The following TMEM167A variants were observed in gnomAD, a reference collection of about 807,000 sequenced individuals.
TMEM167A encodes the protein protein kish-A.
In TMEM167A, 8 loss-of-function variants were observed where a neutral mutation model predicts 11.6. The ratio of observed to expected loss-of-function variants is 0.69; its 90% CI spans 0.40 to 1.24. The LOEUF (loss-of-function observed/expected upper bound fraction) is 1.24. Among genes scored for constraint, TMEM167A ranks in the 50% most tolerant of loss-of-function variants. The pLI is 0.01. For missense variants in TMEM167A, 62 were observed against 87.0 expected (o/e 0.71, Z 1.14); for synonymous variants, 22 against 28.0 (o/e 0.79, Z 0.67).
chr5:83,072,637 T>A (rs1426783923), intron 1 of TMEM167A, among the ~76,000 whole-genome samples: 2 of 152,166 alleles, frequency 1.3e-5, no homozygotes, highest in Non-Finnish European at 2.9e-5. Flanking sequence ...CAAGCAATTA[T>A]CCTGCCTCAG....
chr5:83,059,549 C>T (rs921873771), intron 3 of TMEM167A, among the ~76,000 whole-genome samples: 5 of 151,594 alleles, frequency 3.3e-5, no homozygotes, highest in Admixed American at 6.6e-5. Context: ...CTGAAGCATG[C>T]GGTTTGGTGT....
At chr5:83,076,214 A>T (rs2112253947) in intron 1 of TMEM167A, among the ~76,000 whole-genome samples, 1 of 152,298 alleles carries the variant, frequency 6.6e-6, no homozygotes. Context: ...AGTTGCTGTG[A>T]ACTTGATATT....
At chr5:83,073,120 G>A (rs114850811) in intron 1 of TMEM167A, among the ~76,000 whole-genome samples, 138 of 152,316 alleles carry the variant, frequency 9.1e-4, no homozygotes, top group Admixed American at 2.8e-3. Context: ...AATTGGTTCC[G>A]TTTAAATCTT....
intron 1 of TMEM167A, among the ~76,000 whole-genome samples, chr5:83,068,300 TAAC>T (rs913963363): frequency 6.6e-6 from 1 of 152,210 alleles, no homozygotes; most frequent in Non-Finnish European, 1.5e-5. Flanking sequence ...AGTTTATGGC[TAAC>T]AATAGCAATT....
At chr5:83,070,758 T>C (rs1212659326) in intron 1 of TMEM167A, among the ~76,000 whole-genome samples, 1 of 152,154 alleles carries the variant, frequency 6.6e-6, no homozygotes, top group Admixed American at 6.5e-5. Flanking sequence ...TTTATTAAGA[T>C]GAAATTTCTC....
At chr5:83,065,201 C>A (rs2112243715) in intron 1 of TMEM167A, 84 bp from the exon 2 acceptor site, 1 of 846,868 alleles carries the variant, frequency 1.2e-6, no homozygotes, top group South Asian at 1.7e-5. Flanking sequence ...CATTTAGAGT[C>A]ATGTTTTTAT....
intron 3 of TMEM167A, 21 bp downstream of exon 3, chr5:83,061,856 A>C (rs1273313638): frequency 6.2e-7 from 1 of 1,602,348 alleles, no homozygotes; most frequent in Admixed American, 1.7e-5. Context: ...GAAGAAATGG[A>C]GGGAGATTAT....
At chr5:83,074,518 G>A (rs768231490) in intron 1 of TMEM167A, among the ~76,000 whole-genome samples, 4 of 152,128 alleles carry the variant, frequency 2.6e-5, no homozygotes, top group African/African-American at 7.2e-5. Context: ...TTCCTGCTTT[G>A]CAGAGTTTGT....
intron 1 of TMEM167A, among the ~76,000 whole-genome samples, chr5:83,065,451 C>T: frequency 6.6e-6 from 1 of 151,932 alleles, no homozygotes; most frequent in South Asian, 2.1e-4. Flanking sequence ...TATAATTTTC[C>T]ATGAGTTGAC....
chr5:83,063,384 G>C (rs1241313817), intron 2 of TMEM167A, among the ~76,000 whole-genome samples: 1 of 152,002 alleles, frequency 6.6e-6, no homozygotes, highest in Non-Finnish European at 1.5e-5. Flanking sequence ...ATAACTCTAG[G>C]TATCACTTAA....
In TMEM167A at chr5:83,053,805, T is replaced by G. The variant is rs553603442; in HGVS notation, c.*3279A>C. On this transcript the variant is annotated 3_prime_UTR_variant, in exon 4 of 4. Transcript: ENST00000502346. ...CTGGAAGTTCACACCCTAACTGAAC[T>G]GTCACTCTTCTTTATTTTCTTCTAG... 4.6e-4 allele frequency: 70 copies of G among 152,204 alleles called. 1 individual carries two copies. The highest frequency in any genetic ancestry group is 3.4e-3 in the Middle Eastern group (1 of 294). 9.4% of individuals were successfully genotyped at this position (152,204 alleles called of 1,614,324 possible).
At chr5:83,059,800 T>C (rs956674448) in intron 3 of TMEM167A, among the ~76,000 whole-genome samples, 14 of 151,988 alleles carry the variant, frequency 9.2e-5, no homozygotes, top group African/African-American at 3.1e-4. Context: ...ATGGATTCCC[T>C]GTGCATCCTA....
intron 1 of TMEM167A, among the ~76,000 whole-genome samples, chr5:83,065,918 C>T (rs1241556133): frequency 1.3e-5 from 2 of 152,138 alleles, no homozygotes; most frequent in African/African-American, 4.8e-5. Flanking sequence ...TCAGCTCTAG[C>T]ATCACCTTTT....
At chr5:83,077,196 C>T in intron 1 of TMEM167A, 125 bp downstream of exon 1, 21 of 1,406,232 alleles carry the variant, frequency 1.5e-5, no homozygotes, top group Non-Finnish European at 2.1e-5. Flanking sequence ...GGAGGGACCA[C>T]ATGGCTCCAA....
rs114440960 is a variant in TMEM167A, at chr5:83,066,105, T to C, written c.4-988A>G. Among the ~76,000 whole-genome samples, 424 of 152,160 alleles carry C rather than the reference T, an allele frequency of 2.8e-3. 1 individual carries two copies. The highest frequency in any genetic ancestry group is 9.3e-3 in the African/African-American group (386 of 41,508). On this transcript the variant is annotated intron_variant, in intron 1 of 3. Transcript: ENST00000502346. ...CACCAATCATATGCCTGTCTCACACTAGAAGCCCAATAAGAGAGAGTTGAA... is the reference window on the plus strand; with the variant it reads ...CACCAATCATATGCCTGTCTCACACCAGAAGCCCAATAAGAGAGAGTTGAA...
chr5:83,062,569 T>G (rs1020592394), intron 2 of TMEM167A, among the ~76,000 whole-genome samples: 1 of 152,052 alleles, frequency 6.6e-6, no homozygotes, highest in African/African-American at 2.4e-5. Flanking sequence ...ATATTTCAAC[T>G]GTATGAATGA....
chr5:83,059,573 T>C lies in TMEM167A; in HGVS notation c.148+2304A>G, dbSNP rs1287982006. On this transcript the variant is annotated intron_variant, in intron 3 of 3. Coordinates refer to ENST00000502346, the MANE Select transcript of TMEM167A (RefSeq NM_174909.5). ...GCGGTTTGGTGTGTGTATAGTTATA[T>C]TTACCACTAACTACCAGTATTAACC... 2.6e-5 allele frequency among the ~76,000 whole-genome samples: 4 copies of C among 152,118 alleles called. No homozygotes were observed. The East Asian group carries it at 7.7e-4, about 29-fold the overall frequency.
intron 3 of TMEM167A, among the ~76,000 whole-genome samples, chr5:83,058,720 T>C (rs574811378): frequency 1.6e-4 from 24 of 152,222 alleles, no homozygotes; most frequent in Admixed American, 9.2e-4. Flanking sequence ...AGTTCCCCTT[T>C]TCCTCATCCT....
intron 2 of TMEM167A, 22 bp downstream of exon 2, chr5:83,064,986 T>G: frequency 7.2e-7 from 1 of 1,385,834 alleles, no homozygotes; most frequent in Non-Finnish European, 1.0e-6. Flanking sequence ...ATTTGGGTGA[T>G]TAGACATCAT....
Sources: allele counts gnomAD v4.1 joint callset (sites outside exome capture counted in the v4.1 genomes callset), GRCh38; gene constraint gnomAD v4.1.1; transcripts MANE v1.5; gene names NCBI Gene and HGNC (gene_info 2026-07-23, HGNC 2026-07-21).